TXK: variants seen among roughly 807,000 people sequenced by gnomAD.
The protein encoded by TXK is TXK tyrosine kinase.
In TXK, 60 loss-of-function variants were observed where a neutral mutation model predicts 81.0. The observed-to-expected ratio is 0.74, with a 90% CI of 0.60 to 0.92. The LOEUF is 0.92. Among genes scored for constraint, TXK ranks in the 40% least tolerant of loss-of-function variants. The probability of loss-of-function intolerance (pLI) is 0.00; values close to 1 mark genes in which losing one functional copy is unlikely to be tolerated. For missense variants in TXK, 581 were observed against 638.3 expected, an observed-to-expected ratio of 0.91 and a Z score of 0.97; for synonymous variants, 203 against 210.7, an observed-to-expected ratio of 0.96 and a Z score of 0.32.
chr4:48,074,783 T>C (rs1717000096), intron 12 of TXK, among the ~76,000 whole-genome samples: 1 of 152,130 alleles, frequency 6.6e-6, no homozygotes, highest in African/African-American at 2.4e-5. Flanking sequence ...CCCTATACTC[T>C]CACTTTTTTT....
At chr4:48,109,977 C>G (rs775314768) in intron 5 of TXK, among the ~76,000 whole-genome samples, 1 of 152,198 alleles carries the variant, frequency 6.6e-6, no homozygotes, top group Non-Finnish European at 1.5e-5. Flanking sequence ...AGGCCGTTCT[C>G]TACCTGTAAT....
chr4:48,085,697 A>C (rs1315155652), intron 10 of TXK, among the ~76,000 whole-genome samples: 2 of 152,164 alleles, frequency 1.3e-5, no homozygotes, highest in African/African-American at 4.8e-5. Flanking sequence ...GCAGCAGAGA[A>C]GAAGAGAAGA....
chr4:48,074,639 CCT>C (rs1340931708), intron 12 of TXK, among the ~76,000 whole-genome samples: 2 of 152,100 alleles, frequency 1.3e-5, no homozygotes, highest in Non-Finnish European at 2.9e-5. Flanking sequence ...CAAGTTGAAC[CCT>C]CTCTCTTTTT....
intron 14 of TXK, among the ~76,000 whole-genome samples, chr4:48,068,144 C>T (rs1370391953): frequency 2.0e-5 from 3 of 152,216 alleles, no homozygotes; most frequent in Non-Finnish European, 2.9e-5. Context: ...GTTACTCAGT[C>T]GTGCTAGCCA....
At chr4:48,132,246 G>A (rs990851268) in intron 1 of TXK, among the ~76,000 whole-genome samples, 4 of 151,940 alleles carry the variant, frequency 2.6e-5, no homozygotes, top group African/African-American at 7.3e-5. Context: ...TGGTTCCATC[G>A]TCACCTAGTA....
intron 11 of TXK, 57 bp from the exon 12 acceptor site, chr4:48,076,523 T>C: frequency 4.7e-6 from 7 of 1,487,862 alleles, no homozygotes; most frequent in South Asian, 4.7e-5. Flanking sequence ...TCAAGAGTTT[T>C]TCCTCTCCTT....
chr4:48,103,517 G>A (rs1278884180), intron 6 of TXK, among the ~76,000 whole-genome samples: 1 of 152,168 alleles, frequency 6.6e-6, no homozygotes, highest in Admixed American at 6.5e-5. Context: ...TGTACCCTGA[G>A]CCATTACTGG....
intron 6 of TXK, among the ~76,000 whole-genome samples, chr4:48,098,857 C>A (rs1246840686): frequency 6.6e-6 from 1 of 152,004 alleles, no homozygotes; most frequent in Non-Finnish European, 1.5e-5. Flanking sequence ...TGCTTGAACC[C>A]GGGAGGCAGA....
chr4:48,117,632 TA>T (rs1718847387), intron 1 of TXK, among the ~76,000 whole-genome samples: 1 of 152,168 alleles, frequency 6.6e-6, no homozygotes, highest in African/African-American at 2.4e-5. Flanking sequence ...TCAGGGAAAG[TA>T]AACAACAATA....
intron 12 of TXK, among the ~76,000 whole-genome samples, chr4:48,076,067 T>G (rs1717057393): frequency 6.6e-6 from 1 of 152,192 alleles, no homozygotes; most frequent in Non-Finnish European, 1.5e-5. Context: ...GCAAACAAAT[T>G]TATTTCTTTT....
Position 48,089,779 on chromosome 4 carries a change from C to A in TXK, c.755G>T (p.Cys252Phe), listed in dbSNP as rs762683991. ...LRYPVGLMGS[C>F]LPATAGFSYE... is the part of the protein sequence containing the mutation. ...GCTAAACCCAGCTGTGGCTGGTAAA[C>A]AACTGCCCATCAGCCCAACTGGATA... Residue 252 changes from cysteine (C) to phenylalanine (F), a missense_variant, in exon 9 of 15, where the codon TGT becomes TTT. Transcript: ENST00000264316. The A allele has an allele frequency of 6.2e-7, 1 of 1,613,510 alleles. No homozygotes were observed. The highest frequency in any genetic ancestry group is 1.3e-5 in the African/African-American group (1 of 74,856).
rs1161814454 is a variant in TXK, at chr4:48,071,608, A to C, written c.1424T>G (p.Val475Gly). 1 of 1,614,052 alleles carries C rather than the reference A, an allele frequency of 6.2e-7. No homozygotes were observed. Among genetic ancestry groups the C allele is most frequent in the African/African-American group, 1.3e-5 (1 of 74,916 alleles). ...MPFENKSNLQ[V>G]VEAISEGFRL... Reference sequence around the variant, plus strand: ...GAAGCCTTCAGAAATAGCTTCCACGACTTGCAAATTTGACTTATTTTCAAA... The same window carrying C: ...GAAGCCTTCAGAAATAGCTTCCACGCCTTGCAAATTTGACTTATTTTCAAA... The change falls in exon 14 of 15, where the codon GTC (valine) becomes GGC (glycine). Residue 475 changes from valine to glycine, a missense_variant. Physicochemically the swap from Val to Gly is moderately radical, Grantham distance 109. Coordinates refer to ENST00000264316, the MANE Select transcript of TXK (RefSeq NM_003328.3).
rs550388013 is a variant in TXK at position 48,110,931 on chromosome 4, A to G, written c.381-328T>C. ...AAACACAGCAATTACAAAGACATCG[A>G]CTTCATTCTTTTCAATTGCTGAGGA... On this transcript the variant is annotated intron_variant, in intron 4 of 14. Coordinates refer to ENST00000264316, the MANE Select transcript of TXK (RefSeq NM_003328.3). 7.0e-4 allele frequency among the ~76,000 whole-genome samples: 107 copies of G among 152,338 alleles called. 2 individuals are homozygous for G. In the South Asian group the frequency reaches 0.021, roughly 30 times the overall value.
chr4:48,108,215 T>C (rs968252135), intron 5 of TXK, among the ~76,000 whole-genome samples: 1 of 152,144 alleles, frequency 6.6e-6, no homozygotes, highest in Non-Finnish European at 1.5e-5. Context: ...GTACAATAAA[T>C]ACAGATGGAA....
At chr4:48,096,096 G>A (rs962780074) in intron 6 of TXK, among the ~76,000 whole-genome samples, 1 of 152,154 alleles carries the variant, frequency 6.6e-6, no homozygotes, top group Non-Finnish European at 1.5e-5. Context: ...CAAGGTAAAC[G>A]TACTACATTA....
chr4:48,086,800 G>A (rs887821659), intron 9 of TXK, among the ~76,000 whole-genome samples, 163 bp from the exon 10 acceptor site: 1 of 152,182 alleles, frequency 6.6e-6, no homozygotes, highest in South Asian at 2.1e-4. Context: ...TGGCTTAAAC[G>A]TAATTCAAGG....
chr4:48,076,041 G>C (rs1560339951), intron 12 of TXK, among the ~76,000 whole-genome samples: 3 of 152,166 alleles, frequency 2.0e-5, no homozygotes, highest in Non-Finnish European at 4.4e-5. Flanking sequence ...TGAGGACACA[G>C]AAAAATCAGA....
chr4:48,092,948 A>C (rs890029175), intron 8 of TXK, among the ~76,000 whole-genome samples: 2 of 152,182 alleles, frequency 1.3e-5, no homozygotes, highest in Admixed American at 6.5e-5. Context: ...TTGAACAGGG[A>C]ACAGGAATGG....
intron 10 of TXK, among the ~76,000 whole-genome samples, chr4:48,084,510 A>G (rs1414400586): frequency 2.0e-5 from 3 of 152,146 alleles, no homozygotes; most frequent in Admixed American, 2.0e-4. Flanking sequence ...TCCCTGAATA[A>G]CTTGTCTCCC....
Sources: gnomAD v4.1 joint callset for allele counts (sites outside exome capture counted in the v4.1 genomes callset) on GRCh38, gnomAD v4.1.1 for gene constraint, MANE v1.5 for transcripts, NCBI Gene and HGNC (gene_info 2026-07-23, HGNC 2026-07-21) for gene names.